The following CHRNA5 variants were observed in gnomAD, a reference collection of about 807,000 sequenced individuals.
CHRNA5 encodes cholinergic receptor nicotinic alpha 5 subunit.
CHRNA5 carries 28 observed loss-of-function variants against 41.2 expected under a neutral mutation model. The observed-to-expected ratio is 0.68, with a 90% CI of 0.50 to 0.93. The LOEUF is 0.93. Among genes scored for constraint, CHRNA5 ranks in the 40% least tolerant of loss-of-function variants. The pLI is 0.00. For missense variants in CHRNA5, 481 were observed against 581.9 expected, an observed-to-expected ratio of 0.83 and a Z score of 1.78; for synonymous variants, 188 against 205.8, an observed-to-expected ratio of 0.91 and a Z score of 0.74.
intron 1 of CHRNA5, among the ~76,000 whole-genome samples, chr15:78,568,192 A>G (rs2052767143): frequency 6.6e-6 from 1 of 152,210 alleles, no homozygotes; most frequent in South Asian, 2.1e-4. Context: ...GAGAATATCT[A>G]GTCAGCCCGC....
chr15:78,577,103 A>C (rs775386463), intron 1 of CHRNA5, among the ~76,000 whole-genome samples: 2 of 152,236 alleles, frequency 1.3e-5, no homozygotes, highest in Non-Finnish European at 2.9e-5. Flanking sequence ...GGCTAGAGCT[A>C]TCGGGGGTGT....
intron 1 of CHRNA5, among the ~76,000 whole-genome samples, chr15:78,579,578 C>T (rs1173715041): frequency 6.6e-6 from 1 of 152,072 alleles, no homozygotes; most frequent in Non-Finnish European, 1.5e-5. Flanking sequence ...TTGAAATAAA[C>T]CTTTCTTGAT....
Position 78,581,338 on chromosome 15 carries a change from T to C in CHRNA5, c.258+376T>C, listed in dbSNP as rs146522158. 2.5e-3 allele frequency among the ~76,000 whole-genome samples: 378 copies of C among 152,316 alleles called. 2 individuals carry two copies. The highest frequency in any genetic ancestry group is 3.8e-3 in the Non-Finnish European group (256 of 68,022). On this transcript the variant is annotated intron_variant, in intron 2 of 5. Coordinates refer to ENST00000299565, the Ensembl canonical transcript of CHRNA5. ...AGTCCAAAAATAGAGTGATAGATTC[T>C]TAGGAACTAAAAGTATCACAAGAGA...
intron 1 of CHRNA5, among the ~76,000 whole-genome samples, chr15:78,575,140 A>C (rs17486278): frequency 0.32 from 48,182 of 151,934 alleles, 7,842 homozygotes; most frequent in Middle Eastern, 0.42. Flanking sequence ...CTTTGAAAAT[A>C]AATGTGGTTT....
intron 1 of CHRNA5, among the ~76,000 whole-genome samples, chr15:78,574,966 C>T (rs895464105): frequency 2.7e-4 from 38 of 141,006 alleles, no homozygotes; most frequent in Admixed American, 5.0e-4. Flanking sequence ...AAGTGAGACC[C>T]TGTCTTAAAA....
At chr15:78,569,298 T>A (rs2052777786) in intron 1 of CHRNA5, among the ~76,000 whole-genome samples, 1 of 152,148 alleles carries the variant, frequency 6.6e-6, no homozygotes, top group South Asian at 2.1e-4. Context: ...AAGTTTTAGT[T>A]CAGTAATTTC....
At position 78,588,480 on chromosome 15, in the gene CHRNA5, A is replaced by G. The variant is rs895726087; in HGVS notation, c.413+57A>G. The G allele has an allele frequency of 1.2e-5, 10 of 808,464 alleles. No homozygotes were observed. The highest frequency in any genetic ancestry group is 1.5e-5 in the Non-Finnish European group (8 of 547,598). The allele number at this position is 808,464 out of a possible 1,614,324, so 50.1% of individuals were successfully genotyped here. On this transcript the variant is annotated intron_variant, in intron 4 of 5. Transcript: ENST00000299565. This position sits in a 1 kb window ranked among gnomAD's most constrained non-coding sequence, Gnocchi z 4.1. ...TTCAAAAGAAAACATTTGTATTTCT[A>G]TTAGGCACTAATAATTTTTCTCCCT...
At chr15:78,577,604 C>T (rs1326944919) in intron 1 of CHRNA5, among the ~76,000 whole-genome samples, 1 of 151,980 alleles carries the variant, frequency 6.6e-6, no homozygotes, top group African/African-American at 2.4e-5. Flanking sequence ...CTAGTTTTTC[C>T]CCCACTCAGG....
At chr15:78,575,371 T>C (rs988575375) in intron 1 of CHRNA5, among the ~76,000 whole-genome samples, 5 of 152,218 alleles carry the variant, frequency 3.3e-5, no homozygotes, top group African/African-American at 1.2e-4. Context: ...AGAAGAATTA[T>C]CCCATTTAAT....
At chr15:78,584,009 A>G (rs1244338941) in intron 2 of CHRNA5, among the ~76,000 whole-genome samples, 1 of 152,080 alleles carries the variant, frequency 6.6e-6, no homozygotes, top group African/African-American at 2.4e-5. Context: ...ATTTGTAGAA[A>G]GTGGTAGAAG....
At position 78,580,808 on chromosome 15, in the gene CHRNA5, C is replaced by T. The variant is rs376466023; in HGVS notation, c.107-3C>T. ...CATTAACTTTTAAAAATTTGTTATACAGGATTATCTGAACCTTCTTCTATT... is the reference window on the plus strand; with the variant it reads ...CATTAACTTTTAAAAATTTGTTATATAGGATTATCTGAACCTTCTTCTATT... On this transcript the variant is annotated splice_region_variant and splice_polypyrimidine_tract_variant and intron_variant, in intron 1 of 5. Transcript: ENST00000299565. The T allele has an allele frequency of 1.2e-6, 2 of 1,606,682 alleles. No homozygotes were observed. Among genetic ancestry groups the T allele is most frequent in the Non-Finnish European group, 1.7e-6 (2 of 1,175,174 alleles).
intron 1 of CHRNA5, among the ~76,000 whole-genome samples, chr15:78,567,904 C>T (rs1481271292): frequency 1.3e-5 from 2 of 152,164 alleles, no homozygotes; most frequent in African/African-American, 4.8e-5. Flanking sequence ...TTGTGTACAA[C>T]TGTCGTTCCA....
exon 5 of CHRNA5, chr15:78,590,587 C>G (rs778281973): frequency 1.9e-6 from 3 of 1,614,126 alleles, no homozygotes; most frequent in Non-Finnish European, 2.5e-6. Context: ...GCGCTCGATT[C>G]TATTCGCTAC....
At position 78,590,642 on chromosome 15, in the gene CHRNA5, T is replaced by C. The variant is rs772975768; in HGVS notation, c.1245+6T>C. ...AGGAAAATGATGTCCGTGAGGTCTG[T>C]GATGTGTATTTACAAATGCAGATCT... On this transcript the variant is annotated splice_donor_region_variant and intron_variant, in intron 5 of 5. Transcript: ENST00000299565. 1 of 1,589,670 alleles carries C rather than the reference T, an allele frequency of 6.3e-7. No homozygotes were observed. Among genetic ancestry groups the C allele is most frequent in the Non-Finnish European group, 8.6e-7 (1 of 1,167,296 alleles).
At chr15:78,582,964 T>G (rs1567058605) in intron 2 of CHRNA5, among the ~76,000 whole-genome samples, 1 of 152,236 alleles carries the variant, frequency 6.6e-6, no homozygotes, top group Non-Finnish European at 1.5e-5. Flanking sequence ...CAAGGCCAAA[T>G]TCATCTGTCA....
intron 5 of CHRNA5, chr15:78,591,416 G>T (rs1409520946): frequency 1.3e-5 from 2 of 148,562 alleles, no homozygotes; most frequent in Non-Finnish European, 1.5e-5. Flanking sequence ...TGAGCCTAAT[G>T]TGGAATTTAT....
At chr15:78,569,687 C>T (rs977982053) in intron 1 of CHRNA5, among the ~76,000 whole-genome samples, 2 of 152,110 alleles carry the variant, frequency 1.3e-5, no homozygotes, top group Admixed American at 6.5e-5. Context: ...CCCGCCTCGG[C>T]GTCCCAAAGT....
chr15:78,585,634 T>G (rs1047667538), intron 2 of CHRNA5, among the ~76,000 whole-genome samples: 2 of 152,128 alleles, frequency 1.3e-5, no homozygotes, highest in Non-Finnish European at 2.9e-5. Flanking sequence ...GAATATTTGG[T>G]AAAGGACTGG....
intron 2 of CHRNA5, 150 bp downstream of exon 2, chr15:78,581,112 G>A (rs936925355): frequency 2.4e-5 from 16 of 662,530 alleles, no homozygotes; most frequent in Middle Eastern, 5.1e-4. Context: ...AGTAGTGATT[G>A]TGTCACATAC....
Sources: gnomAD v4.1 joint callset for allele counts (sites outside exome capture counted in the v4.1 genomes callset) on GRCh38, gnomAD v4.1.1 for gene constraint, Gnocchi (gnomAD v3.1) non-coding constraint, MANE v1.5 for transcripts, NCBI Gene and HGNC (gene_info 2026-07-23, HGNC 2026-07-21) for gene names.